The following MOSMO variants were observed in gnomAD, a reference collection of about 807,000 sequenced individuals.
MOSMO encodes modulator of smoothened protein.
A neutral mutation model predicts 18.4 loss-of-function variants in MOSMO; 5 were observed. That is an observed-to-expected ratio of 0.27 (90% CI 0.14 to 0.57). MOSMO has a LOEUF of 0.57. Among genes scored for constraint, MOSMO ranks in the 20% least tolerant of loss-of-function variants. The pLI, the probability that MOSMO is intolerant of heterozygous loss-of-function variation, is 0.92. For missense variants in MOSMO, 138 were observed against 211.8 expected (o/e 0.65, Z 2.16); for synonymous variants, 82 against 82.3 (o/e 1.00, Z 0.02).
downstream of MOSMO, among the ~76,000 whole-genome samples, chr16:22,086,470 A>G (rs77608395): frequency 3.6e-3 from 554 of 152,280 alleles, 4 homozygotes; most frequent in African/African-American, 0.013. Context: ...TATTTGAAAT[A>G]TATCTAATCT....
At chr16:22,035,625 A>AT (rs982523591) in intron 1 of MOSMO, among the ~76,000 whole-genome samples, 12 of 151,954 alleles carry the variant, frequency 7.9e-5, no homozygotes, top group South Asian at 2.1e-4. Context: ...ATAACTTGTG[A>AT]TTTTTTGTAT....
intron 1 of MOSMO, among the ~76,000 whole-genome samples, chr16:22,027,248 C>T (rs894166516): frequency 1.3e-5 from 2 of 152,218 alleles, no homozygotes; most frequent in African/African-American, 2.4e-5. Context: ...TCCAAAATAG[C>T]GGTTTGTGGA....
intron 1 of MOSMO, among the ~76,000 whole-genome samples, chr16:22,035,046 A>G (rs1900080531): frequency 6.6e-6 from 1 of 151,994 alleles, no homozygotes; most frequent in Non-Finnish European, 1.5e-5. Context: ...GACTTCTTAA[A>G]TAAGGCCTGA....
At chr16:22,073,062 AGAG>A (rs951876413) in intron 1 of MOSMO, among the ~76,000 whole-genome samples, 2 of 152,162 alleles carry the variant, frequency 1.3e-5, no homozygotes, top group Non-Finnish European at 1.5e-5. Context: ...TGTGCTAGAC[AGAG>A]GAGGAGGAAA....
chr16:22,015,674 A>ACTAGATT, intron 1 of MOSMO, among the ~76,000 whole-genome samples: 1 of 152,358 alleles, frequency 6.6e-6, no homozygotes, highest in African/African-American at 2.4e-5. Context: ...GATACTGTGA[A>ACTAGATT]TTCCCAGAGT....
chr16:22,037,003 A>G (rs1306081286), intron 1 of MOSMO, among the ~76,000 whole-genome samples: 32 of 152,214 alleles, frequency 2.1e-4, no homozygotes, highest in Admixed American at 2.1e-3. Flanking sequence ...AAGCTATTGT[A>G]GGAATATTTT....
chr16:22,054,477 T>G (rs1344626663), intron 1 of MOSMO, among the ~76,000 whole-genome samples: 1 of 152,158 alleles, frequency 6.6e-6, no homozygotes, highest in African/African-American at 2.4e-5. Flanking sequence ...GGAATATAAT[T>G]TATCAAATAT....
At chr16:22,080,571 C>A in intron 2 of MOSMO, 125 bp from the exon 3 acceptor site, 1 of 552,350 alleles carries the variant, frequency 1.8e-6, no homozygotes, top group Non-Finnish European at 3.0e-6. Flanking sequence ...ACATTTTTAA[C>A]AAGTGGTCCA....
At chr16:22,063,146 G>A (rs1255480834) in intron 1 of MOSMO, among the ~76,000 whole-genome samples, 2 of 152,184 alleles carry the variant, frequency 1.3e-5, no homozygotes, top group Admixed American at 6.5e-5. Flanking sequence ...GAGCCACCGC[G>A]CCTTTTTTGA....
At chr16:22,024,016 T>TATATATATATATA (rs57968547) in intron 1 of MOSMO, among the ~76,000 whole-genome samples, 7 of 145,578 alleles carry the variant, frequency 4.8e-5, no homozygotes, top group African/African-American at 5.2e-5. Context: ...TATATATATA[T>TATATATATATATA]TTTCTTAAGA....
rs568258058 is a variant in MOSMO at position 22,010,933 on chromosome 16, G to GA, written c.106+2541dup. 8.5e-3 allele frequency among the ~76,000 whole-genome samples: 717 copies of GA among 83,936 alleles called. 3 individuals carry two copies. Among genetic ancestry groups the GA allele is most frequent in the Middle Eastern group, 0.022 (3 of 138 alleles). 55.1% of individuals were successfully genotyped at this position (83,936 alleles called of 152,430 possible). ...GGTACTCCGTCTTAAAAAGAAAACA[G>GA]AAAAAAAAAAAAAAAGGGCAAGCTC... On this transcript the variant is annotated intron_variant, in intron 1 of 2. Transcript: ENST00000542527.
At chr16:22,050,372 G>A (rs996793441) in intron 1 of MOSMO, among the ~76,000 whole-genome samples, 3 of 152,178 alleles carry the variant, frequency 2.0e-5, no homozygotes, top group Non-Finnish European at 4.4e-5. Context: ...ATAGAAGGAA[G>A]TATTGAAGGT....
At position 22,008,170 on chromosome 16, in the gene MOSMO, C is replaced by G; in HGVS notation, c.-132C>G. 4.9e-6 allele frequency: 1 copy of G among 202,446 alleles called. No homozygotes were observed. 12.5% of individuals were successfully genotyped at this position (202,446 alleles called of 1,614,324 possible). A position where few individuals can be genotyped will look rare whatever the true frequency, so the allele number is the denominator to read the frequency against. On this transcript the variant is annotated 5_prime_UTR_variant, in exon 1 of 3. Transcript: ENST00000542527. ...GTCCCGGGCGCGCGGAGGGCGCGAGCGGCGCGCGGGGGCCGAGGGGGCGCG... is the reference window on the plus strand; with the variant it reads ...GTCCCGGGCGCGCGGAGGGCGCGAGGGGCGCGCGGGGGCCGAGGGGGCGCG...
intron 2 of MOSMO, among the ~76,000 whole-genome samples, chr16:22,077,234 C>T (rs148000364): frequency 6.8e-4 from 103 of 152,134 alleles, no homozygotes; most frequent in Non-Finnish European, 1.4e-3. Flanking sequence ...TAGTGTGAGT[C>T]GAAACGTTAT....
chr16:22,011,824 A>AC, intron 1 of MOSMO, among the ~76,000 whole-genome samples: 1 of 151,676 alleles, frequency 6.6e-6, no homozygotes, highest in South Asian at 2.1e-4. Context: ...CAGGCAGTAA[A>AC]CCCCCCAAAA....
intron 1 of MOSMO, among the ~76,000 whole-genome samples, chr16:22,065,621 CA>C (rs984684154): frequency 4.0e-5 from 6 of 148,650 alleles, no homozygotes; most frequent in African/African-American, 7.4e-5. Context: ...TATGTTTTAA[CA>C]AAAAAAAAAT....
downstream of MOSMO, chr16:22,092,369 G>A (rs904926079): frequency 2.6e-6 from 1 of 390,200 alleles, no homozygotes. Flanking sequence ...CCAGGTTTTT[G>A]TGAGGTGGAG....
intron 1 of MOSMO, among the ~76,000 whole-genome samples, chr16:22,012,283 T>A (rs766742321): frequency 3.3e-5 from 5 of 152,170 alleles, no homozygotes; most frequent in Non-Finnish European, 5.9e-5. Context: ...CATCACTTCG[T>A]AGCTCTGTAG....
At chr16:22,019,040 T>C (rs181255844) in intron 1 of MOSMO, among the ~76,000 whole-genome samples, 1 of 152,358 alleles carries the variant, frequency 6.6e-6, no homozygotes, top group African/African-American at 2.4e-5. Flanking sequence ...ACAATGCCCC[T>C]GTGTAAGTGC....
Sources: allele counts gnomAD v4.1 joint callset (sites outside exome capture counted in the v4.1 genomes callset), GRCh38; gene constraint gnomAD v4.1.1; transcripts MANE v1.5; gene names NCBI Gene and HGNC (gene_info 2026-07-23, HGNC 2026-07-21).